GRID2: variants seen among roughly 807,000 people sequenced by gnomAD.
GRID2 encodes the protein glutamate receptor ionotropic, delta-2.
A neutral mutation model predicts 114.8 loss-of-function variants in GRID2; 33 were observed. That is an observed-to-expected ratio of 0.29 (90% CI 0.22 to 0.38). The LOEUF is 0.38. GRID2 is among the 10% of genes least tolerant of loss of function. The pLI is 1.00. For missense variants in GRID2, 1,184 were observed against 1,257.7 expected (o/e 0.94, Z 0.89); for synonymous variants, 505 against 449.9 (o/e 1.12, Z -1.55).
intron 14 of GRID2, among the ~76,000 whole-genome samples, chr4:93,666,687 C>A (rs1399898067): frequency 2.6e-5 from 4 of 151,986 alleles, no homozygotes; most frequent in African/African-American, 9.7e-5. Flanking sequence ...TTGACCTAAG[C>A]TTTCAGTCAC....
At chr4:93,495,729 T>C (rs1727470435) in intron 12 of GRID2, among the ~76,000 whole-genome samples, 2 of 151,904 alleles carry the variant, frequency 1.3e-5, no homozygotes, top group South Asian at 4.1e-4. Flanking sequence ...AATATGTCTC[T>C]ACTTTTTTCA....
intron 4 of GRID2, among the ~76,000 whole-genome samples, chr4:93,205,915 T>C (rs1353889945): frequency 6.6e-6 from 1 of 152,176 alleles, no homozygotes; most frequent in East Asian, 1.9e-4. Flanking sequence ...CCAGTGATGA[T>C]GAGCATTTGT....
chr4:93,009,011 G>T (rs2149228185), intron 2 of GRID2, among the ~76,000 whole-genome samples: 1 of 152,168 alleles, frequency 6.6e-6, no homozygotes, highest in African/African-American at 2.4e-5. Flanking sequence ...TTTTAGGTTA[G>T]ATTGTTGGAA....
In GRID2 at chr4:93,427,703, C is replaced by CAG. The variant is rs1296519603; in HGVS notation, c.1545+4747_1545+4748dup. 7.9e-5 allele frequency among the ~76,000 whole-genome samples: 12 copies of CAG among 151,278 alleles called. No homozygotes were observed. The East Asian group carries it at 1.9e-3, about 24-fold the overall frequency. On this transcript the variant is annotated intron_variant, in intron 10 of 15. Transcript: ENST00000282020. ...TACTTTTAAGAGAGGAAAATGCAGTCAGAGAGAGAGAGAAAATGATTGATA... is the reference window on the plus strand; with the variant it reads ...TACTTTTAAGAGAGGAAAATGCAGTCAGAGAGAGAGAGAGAAAATGATTGATA...
At chr4:92,997,228 T>G (rs890013757) in intron 2 of GRID2, among the ~76,000 whole-genome samples, 1 of 152,098 alleles carries the variant, frequency 6.6e-6, no homozygotes, top group Non-Finnish European at 1.5e-5. Context: ...AAAGAGCTAG[T>G]GTGTTAGGAA....
intron 2 of GRID2, among the ~76,000 whole-genome samples, chr4:92,953,272 T>C (rs1015420988): frequency 2.0e-5 from 3 of 152,142 alleles, no homozygotes; most frequent in Non-Finnish European, 4.4e-5. Context: ...CCACAATGCT[T>C]TAGTGATCTT....
intron 4 of GRID2, among the ~76,000 whole-genome samples, chr4:93,198,561 A>G (rs753708546): frequency 1.3e-5 from 2 of 152,174 alleles, no homozygotes; most frequent in Non-Finnish European, 2.9e-5. Flanking sequence ...CCTCACAGCC[A>G]CTTACATAGT....
At chr4:93,053,871 A>G (rs944748318) in intron 2 of GRID2, among the ~76,000 whole-genome samples, 8 of 151,916 alleles carry the variant, frequency 5.3e-5, no homozygotes, top group African/African-American at 1.9e-4. Flanking sequence ...TCAATTAACA[A>G]TATGTTATAT....
chr4:92,470,682 G>T (rs1721990215), intron 1 of GRID2, among the ~76,000 whole-genome samples: 1 of 151,858 alleles, frequency 6.6e-6, no homozygotes, highest in African/African-American at 2.4e-5. Flanking sequence ...CTCTAAGCAA[G>T]AACTGACTGC....
rs575943341 is a variant in GRID2 at position 93,110,311 on chromosome 4, A to G, written c.530-437A>G. ...AGTGATACTGTTGCCTATTTTAAGA[A>G]ACATTCATAATCTTGATTCAGATTC... On this transcript the variant is annotated intron_variant, in intron 3 of 15. Transcript: ENST00000282020. Among the ~76,000 whole-genome samples the G allele has an allele frequency of 2.6e-5, 4 of 152,306 alleles. No individual in the cohort carries two copies. In the South Asian group the frequency reaches 8.3e-4, roughly 32 times the overall value.
chr4:92,690,685 A>G (rs935913612), intron 2 of GRID2, among the ~76,000 whole-genome samples: 7 of 152,182 alleles, frequency 4.6e-5, no homozygotes, highest in Non-Finnish European at 1.0e-4. Context: ...ATAAAAATTC[A>G]GTGATCTATA....
chr4:92,804,527 A>T (rs1353907727), intron 2 of GRID2, among the ~76,000 whole-genome samples: 7 of 152,062 alleles, frequency 4.6e-5, no homozygotes, highest in Admixed American at 1.3e-4. Flanking sequence ...TTATGTACAG[A>T]TATATACTCA....
chr4:93,796,027 A>T (rs1208316010), intron 1 of GRID2, among the ~76,000 whole-genome samples: 1 of 152,126 alleles, frequency 6.6e-6, no homozygotes, highest in Non-Finnish European at 1.5e-5. Context: ...CCTTGCACTG[A>T]CAGGACAGAG....
chr4:93,426,832 T>C (rs527637654), intron 10 of GRID2, among the ~76,000 whole-genome samples: 2 of 152,172 alleles, frequency 1.3e-5, no homozygotes, highest in East Asian at 3.9e-4. Context: ...ATATGATTTT[T>C]AGACAGAAAA....
chr4:93,655,723 T>C (rs1722940072), intron 14 of GRID2, among the ~76,000 whole-genome samples: 2 of 152,080 alleles, frequency 1.3e-5, no homozygotes, highest in Non-Finnish European at 1.5e-5. Flanking sequence ...CTTTAGGAAG[T>C]TTAAATTGTT....
chr4:93,800,897 T>C (rs1012394818), intron 1 of GRID2, among the ~76,000 whole-genome samples: 1 of 152,200 alleles, frequency 6.6e-6, no homozygotes. Flanking sequence ...GCATAAAATA[T>C]GCTGGAAAAC....
chr4:93,483,058 G>A (rs561030103), intron 11 of GRID2, among the ~76,000 whole-genome samples: 142 of 152,116 alleles, frequency 9.3e-4, no homozygotes, highest in Non-Finnish European at 1.5e-3. Context: ...CATAAATGAA[G>A]CATTTCAGAG....
chr4:92,324,912 A>G (rs1469737918), intron 1 of GRID2, among the ~76,000 whole-genome samples: 3 of 151,956 alleles, frequency 2.0e-5, no homozygotes, highest in Admixed American at 6.6e-5. Flanking sequence ...ATTAGTGGAA[A>G]TCAGAGTTCA....
Position 93,605,219 on chromosome 4 carries a change from G to A in GRID2, c.2194-21050G>A, listed in dbSNP as rs577968823. 2.8e-4 allele frequency among the ~76,000 whole-genome samples: 43 copies of A among 152,242 alleles called. No individual in the cohort carries two copies. The South Asian group carries it at 8.5e-3, about 30-fold the overall frequency. ...CCATGTGACTAATTTAAATTTAAAT[G>A]TGTTAAAATTAAATAAAATTTAAAA... On this transcript the variant is annotated intron_variant, in intron 13 of 15. Coordinates refer to ENST00000282020, the MANE Select transcript of GRID2 (RefSeq NM_001510.4).
Sources: allele counts gnomAD v4.1 joint callset (sites outside exome capture counted in the v4.1 genomes callset), GRCh38; gene constraint gnomAD v4.1.1; transcripts MANE v1.5; gene names NCBI Gene and HGNC (gene_info 2026-07-23, HGNC 2026-07-21).